The following PCDHGA3 variants were observed in gnomAD, a reference collection of about 807,000 sequenced individuals.
PCDHGA3 encodes the protein protocadherin gamma-A3.
In PCDHGA3, 40 loss-of-function variants were observed where a neutral mutation model predicts 58.5. That is an observed-to-expected ratio of 0.68 (90% CI 0.53 to 0.89). The LOEUF (loss-of-function observed/expected upper bound fraction) is 0.89, where lower values mean the gene tolerates loss of function less well. Ranked by LOEUF, PCDHGA3 falls within the 40% of genes least tolerant of loss-of-function variation. PCDHGA3 has a pLI of 0.00. For synonymous variants in PCDHGA3, 530 were observed against 525.7 expected, an observed-to-expected ratio of 1.01 and a Z score of -0.11; for missense variants, 1,223 against 1,195.9, an observed-to-expected ratio of 1.02 and a Z score of -0.33.
intron 1 of PCDHGA3, chr5:141,393,545 C>CCCGATTTA (rs1171677857): frequency 1.2e-6 from 2 of 1,613,858 alleles, no homozygotes; most frequent in African/African-American, 1.3e-5. Context: ...TTTTTCCTCA[C>CCCGATTTA]CCGATTTACC....
chr5:141,495,545 A>G (rs1174346915), intron 2 of PCDHGA3, among the ~76,000 whole-genome samples: 3 of 151,824 alleles, frequency 2.0e-5, no homozygotes, highest in Non-Finnish European at 4.4e-5. Flanking sequence ...CTCAGTCTCT[A>G]TCTCGCTTTG....
At chr5:141,368,548 T>A (rs867089614) in intron 1 of PCDHGA3, among the ~76,000 whole-genome samples, 20 of 152,266 alleles carry the variant, frequency 1.3e-4, no homozygotes, top group African/African-American at 3.6e-4. Context: ...CCATTTTTTT[T>A]AAAAGAAAAT....
chr5:141,401,770 T>C (rs975272408), intron 1 of PCDHGA3, among the ~76,000 whole-genome samples: 2 of 152,202 alleles, frequency 1.3e-5, no homozygotes, highest in African/African-American at 4.8e-5. Context: ...TATAAGTCTT[T>C]TGCTTGGTTT....
Position 141,365,921 on chromosome 5 carries a change from T to C in PCDHGA3, c.2424+19464T>C. ...TGAGCAGTTGAGAGACCTACAGTTG[T>C]GGGTGACAGCCAGCGACAGTGGGAA... On this transcript the variant is annotated intron_variant, in intron 1 of 3. Transcript: ENST00000253812. The C allele has an allele frequency of 3.7e-6, 6 of 1,614,192 alleles. No individual in the cohort carries two copies. In the South Asian group the frequency reaches 5.5e-5, roughly 15 times the overall value.
At chr5:141,381,812 CTTTCT>C (rs1426701973) in intron 1 of PCDHGA3, among the ~76,000 whole-genome samples, 18 of 129,486 alleles carry the variant, frequency 1.4e-4, no homozygotes, top group African/African-American at 3.6e-4. Context: ...TTCTTTCTTT[CTTTCT>C]TTCTTCTTCT....
intron 1 of PCDHGA3, among the ~76,000 whole-genome samples, chr5:141,373,562 T>C (rs955311782): frequency 2.6e-5 from 4 of 152,186 alleles, no homozygotes; most frequent in African/African-American, 9.7e-5. Context: ...TTACTGAAAA[T>C]GGGACTAGCA....
In PCDHGA3 at chr5:141,431,326, T is replaced by G. The variant is rs1486136293; in HGVS notation, c.2425-63481T>G. 6.2e-7 allele frequency: 1 copy of G among 1,614,046 alleles called. No individual in the cohort carries two copies. Among genetic ancestry groups the G allele is most frequent in the Non-Finnish European group, 8.5e-7 (1 of 1,180,018 alleles). On this transcript the variant is annotated intron_variant, in intron 1 of 3. Transcript: ENST00000253812. This position sits in a 1 kb window ranked among gnomAD's most constrained non-coding sequence, Gnocchi z 4.8. Reference sequence around the variant, plus strand: ...TCGTGCAAAATGGAGCCGACGGTAGTAAGTACCCCGAATTGGTGCTGAAAC... The same window carrying G: ...TCGTGCAAAATGGAGCCGACGGTAGGAAGTACCCCGAATTGGTGCTGAAAC...
At position 141,431,412 on chromosome 5, in the gene PCDHGA3, G is replaced by A. The variant is rs1458036274; in HGVS notation, c.2425-63395G>A. ...CTGGTCCTTACGGCCTCCGACGGGG[G>A]CGACCCGGTGCGCACAGGCACCGCG... On this transcript the variant is annotated intron_variant, in intron 1 of 3. Transcript: ENST00000253812. This position sits in a 1 kb window ranked among gnomAD's most constrained non-coding sequence, Gnocchi z 4.8. 1 of 1,613,596 alleles carries A rather than the reference G, an allele frequency of 6.2e-7. No homozygotes were observed. Among genetic ancestry groups the A allele is most frequent in the Non-Finnish European group, 8.5e-7 (1 of 1,180,058 alleles).
intron 1 of PCDHGA3, chr5:141,393,596 G>T (rs775299518): frequency 1.2e-6 from 2 of 1,613,900 alleles, no homozygotes; most frequent in Non-Finnish European, 8.5e-7. Context: ...GCACGCGGCT[G>T]CTTACTGTAA....
At chr5:141,358,948 G>A (rs183481542) in intron 1 of PCDHGA3, among the ~76,000 whole-genome samples, 2 of 152,276 alleles carry the variant, frequency 1.3e-5, no homozygotes, top group East Asian at 3.9e-4. Context: ...TGTTCTTTGT[G>A]CTTTCATTTA....
chr5:141,467,321 G>A (rs2099141786), intron 1 of PCDHGA3, among the ~76,000 whole-genome samples: 2 of 152,024 alleles, frequency 1.3e-5, no homozygotes, highest in East Asian at 1.9e-4. Context: ...CCACAGTGCT[G>A]GGATTAGAGA....
chr5:141,446,594 A>G (rs571957656), intron 1 of PCDHGA3, among the ~76,000 whole-genome samples: 8 of 152,136 alleles, frequency 5.3e-5, no homozygotes, highest in African/African-American at 1.9e-4. Flanking sequence ...CTTCTGCCTC[A>G]GCCTCCTGAG....
At chr5:141,403,699 TAA>T in intron 1 of PCDHGA3, 1 of 1,613,934 alleles carries the variant, frequency 6.2e-7, no homozygotes, top group East Asian at 2.2e-5. Context: ...TTTACCGAGT[TAA>T]AGTCCTTGAG....
chr5:141,474,325 C>A (rs540113771), intron 1 of PCDHGA3, among the ~76,000 whole-genome samples: 1 of 152,256 alleles, frequency 6.6e-6, no homozygotes, highest in Admixed American at 6.5e-5. Context: ...TTTCAAATCA[C>A]CCTGATGTTT....
chr5:141,457,422 TC>T (rs1038085994), intron 1 of PCDHGA3, among the ~76,000 whole-genome samples: 1 of 151,626 alleles, frequency 6.6e-6, no homozygotes, highest in African/African-American at 2.4e-5. Context: ...CATCCCTTTT[TC>T]CCCCCCACCA....
chr5:141,398,497 G>A, intron 1 of PCDHGA3: 1 of 1,570,856 alleles, frequency 6.4e-7, no homozygotes, highest in Non-Finnish European at 8.6e-7. Context: ...TGTGGAGATC[G>A]AGGACATTAA....
chr5:141,364,565 C>G, intron 1 of PCDHGA3: 1 of 1,614,114 alleles, frequency 6.2e-7, no homozygotes. Context: ...TGCCCTGAAC[C>G]CGCGAAGCGG....
At position 141,432,065 on chromosome 5, in the gene PCDHGA3, AC is replaced by A; in HGVS notation, c.2425-62741del. 1.2e-6 allele frequency: 2 copies of A among 1,614,048 alleles called. No homozygotes were observed. The highest frequency in any genetic ancestry group is 1.7e-6 in the Non-Finnish European group (2 of 1,180,006). On this transcript the variant is annotated intron_variant, in intron 1 of 3. Transcript: ENST00000253812. The surrounding 1 kb of genome is among the most constrained non-coding windows in gnomAD (Gnocchi z 6.0). ...GGGAACCCCGCCCCTATCCACGGAA[AC>A]TCATATCTCGCTGAACGTGGCAGAC...
At position 141,371,064 on chromosome 5, in the gene PCDHGA3, T is replaced by C. The variant is rs759777636; in HGVS notation, c.2424+24607T>C. On this transcript the variant is annotated intron_variant, in intron 1 of 3. Transcript: ENST00000253812. ...GGATGGGGGCGAGCCCTCCAGAAGC[T>C]GTACCACCCAGATCAGGGTAATTGT... The C allele has an allele frequency of 4.3e-6, 7 of 1,613,944 alleles. No homozygotes were observed. In the South Asian group the frequency reaches 7.7e-5, roughly 18 times the overall value.
Sources: gnomAD v4.1 joint callset for allele counts (sites outside exome capture counted in the v4.1 genomes callset) on GRCh38, gnomAD v4.1.1 for gene constraint, Gnocchi (gnomAD v3.1) non-coding constraint, MANE v1.5 for transcripts, NCBI Gene and HGNC (gene_info 2026-07-23, HGNC 2026-07-21) for gene names.